The following XIRP2 variants were observed in gnomAD, a reference collection of about 807,000 sequenced individuals.
The protein encoded by XIRP2 is xin actin binding repeat containing 2.
A neutral mutation model predicts 277.0 loss-of-function variants in XIRP2; 236 were observed. The observed-to-expected ratio is 0.85, with a 90% CI of 0.77 to 0.95. The LOEUF is 0.95. Ranked by LOEUF, XIRP2 falls within the 40% of genes least tolerant of loss-of-function variation. The pLI is 0.00. For missense variants in XIRP2, 4,640 were observed against 4,157.5 expected, an observed-to-expected ratio of 1.12 and a Z score of -3.19; for synonymous variants, 1,490 against 1,416.5, an observed-to-expected ratio of 1.05 and a Z score of -1.17.
chr2:166,945,383 C>T (rs1685830948), intron 2 of XIRP2, among the ~76,000 whole-genome samples: 1 of 151,798 alleles, frequency 6.6e-6, no homozygotes, highest in Admixed American at 6.6e-5. Flanking sequence ...ATTACTTATT[C>T]TGGGAATGTG....
chr2:167,026,657 G>A (rs565531801), intron 2 of XIRP2, among the ~76,000 whole-genome samples: 1 of 152,030 alleles, frequency 6.6e-6, no homozygotes, highest in Non-Finnish European at 1.5e-5. Context: ...CTGGTGGTGA[G>A]AAAATCTCTC....
At chr2:166,955,177 A>G (rs562528387) in intron 2 of XIRP2, among the ~76,000 whole-genome samples, 53 of 152,062 alleles carry the variant, frequency 3.5e-4, no homozygotes, top group African/African-American at 1.2e-3. Flanking sequence ...TCTATCAATT[A>G]GAAAACGGAT....
chr2:167,066,227 T>A (rs563589938), intron 2 of XIRP2, among the ~76,000 whole-genome samples: 1 of 151,972 alleles, frequency 6.6e-6, no homozygotes, highest in Non-Finnish European at 1.5e-5. Context: ...GAATAACACC[T>A]CATTTTTCCC....
chr2:167,095,040 G>A (rs532332367), intron 2 of XIRP2, among the ~76,000 whole-genome samples: 1 of 152,164 alleles, frequency 6.6e-6, no homozygotes, highest in South Asian at 2.1e-4. Flanking sequence ...CACATCCCTT[G>A]TAAGTTTATT....
chr2:167,096,144 T>C (rs1289814132), intron 2 of XIRP2, among the ~76,000 whole-genome samples: 3 of 151,998 alleles, frequency 2.0e-5, no homozygotes, highest in Non-Finnish European at 4.4e-5. Flanking sequence ...TCTTTGTACC[T>C]CTGGTATAAT....
chr2:167,217,803 T>C (rs946063185), intron 4 of XIRP2, among the ~76,000 whole-genome samples: 4 of 152,168 alleles, frequency 2.6e-5, no homozygotes, highest in Admixed American at 2.6e-4. Flanking sequence ...ATGACAACTT[T>C]ATTGAGGGTT....
intron 2 of XIRP2, among the ~76,000 whole-genome samples, chr2:166,942,048 T>C (rs911461598): frequency 2.0e-5 from 3 of 152,224 alleles, no homozygotes; most frequent in African/African-American, 7.2e-5. Flanking sequence ...ATATTCATTC[T>C]ACTCAATAGT....
intron 2 of XIRP2, among the ~76,000 whole-genome samples, chr2:167,088,111 T>C (rs1291644898): frequency 6.6e-6 from 1 of 152,142 alleles, no homozygotes; most frequent in Admixed American, 6.5e-5. Flanking sequence ...GAATAGGAAG[T>C]ATAGTTGAGC....
intron 2 of XIRP2, among the ~76,000 whole-genome samples, chr2:167,031,176 C>A (rs1186199711): frequency 6.6e-6 from 1 of 152,064 alleles, no homozygotes; most frequent in Non-Finnish European, 1.5e-5. Context: ...TTGATTGGGG[C>A]ATTTAGCCCA....
chr2:167,116,911 G>A (rs1031408663), intron 2 of XIRP2, among the ~76,000 whole-genome samples: 5 of 152,100 alleles, frequency 3.3e-5, no homozygotes, highest in East Asian at 1.9e-4. Flanking sequence ...GAAGGCTTAC[G>A]AGTATTAATC....
At chr2:167,049,879 CAAA>C (rs1688874412) in intron 2 of XIRP2, among the ~76,000 whole-genome samples, 1 of 151,954 alleles carries the variant, frequency 6.6e-6, no homozygotes, top group East Asian at 1.9e-4. Flanking sequence ...GGGCCCCTAA[CAAA>C]TATCGTTGTT....
At chr2:167,175,909 TTAC>T (rs1692830973) in intron 3 of XIRP2, among the ~76,000 whole-genome samples, 2 of 152,156 alleles carry the variant, frequency 1.3e-5, no homozygotes, top group Admixed American at 1.3e-4. Context: ...GCGGCTTTGT[TTAC>T]CCTGTGAGGG....
intron 2 of XIRP2, among the ~76,000 whole-genome samples, chr2:166,961,477 A>G (rs191249979): frequency 5.3e-5 from 8 of 151,968 alleles, no homozygotes; most frequent in Admixed American, 5.3e-4. Flanking sequence ...CAGCTGAATT[A>G]GCCTTCAAAC....
chr2:166,904,124 C>T (rs1684458352), intron 2 of XIRP2, among the ~76,000 whole-genome samples: 1 of 152,114 alleles, frequency 6.6e-6, no homozygotes, highest in African/African-American at 2.4e-5. Flanking sequence ...GATATGCCCT[C>T]TTATGTTGAT....
chr2:167,170,691 T>C (rs1339287332), intron 3 of XIRP2, among the ~76,000 whole-genome samples: 1 of 152,080 alleles, frequency 6.6e-6, no homozygotes, highest in African/African-American at 2.4e-5. Flanking sequence ...TTCTATTTTC[T>C]CCTCTATTTT....
At chr2:167,002,436 G>C (rs1477543191) in intron 2 of XIRP2, among the ~76,000 whole-genome samples, 1 of 151,824 alleles carries the variant, frequency 6.6e-6, no homozygotes, top group Non-Finnish European at 1.5e-5. Flanking sequence ...ACATGATTAT[G>C]GTGGATATTT....
chr2:166,891,655 C>CT (rs1310981062), intron 1 of XIRP2, among the ~76,000 whole-genome samples: 1 of 151,942 alleles, frequency 6.6e-6, no homozygotes, highest in East Asian at 1.9e-4. Context: ...TGGAAAAACA[C>CT]TTTCAGTTGT....
chr2:167,135,335 T>C (rs1163769560), intron 2 of XIRP2, among the ~76,000 whole-genome samples: 3 of 152,236 alleles, frequency 2.0e-5, no homozygotes, highest in East Asian at 3.9e-4. Flanking sequence ...TATATTTCCT[T>C]TCTTTGGGAA....
chr2:166,971,102 A>G (rs1301248894), intron 2 of XIRP2, among the ~76,000 whole-genome samples: 1 of 152,008 alleles, frequency 6.6e-6, no homozygotes. Flanking sequence ...ATTTTTTTCC[A>G]CATTAGATGC....
Sources: allele counts gnomAD v4.1 joint callset (sites outside exome capture counted in the v4.1 genomes callset), GRCh38; gene constraint gnomAD v4.1.1; transcripts MANE v1.5; gene names NCBI Gene and HGNC (gene_info 2026-07-23, HGNC 2026-07-21).